NCOR2: variants seen among roughly 807,000 people sequenced by gnomAD.
The protein encoded by NCOR2 is nuclear receptor corepressor 2.
In NCOR2, 81 loss-of-function variants were observed where a neutral mutation model predicts 262.9. The observed-to-expected ratio is 0.31, with a 90% CI of 0.26 to 0.37. The LOEUF (loss-of-function observed/expected upper bound fraction) is 0.37, where lower values mean the gene tolerates loss of function less well. NCOR2 is among the 10% of genes least tolerant of loss of function. The pLI is 1.00. For missense variants in NCOR2, 3,385 were observed against 3,621.4 expected (o/e 0.93, Z 1.68); for synonymous variants, 1,659 against 1,559.3 (o/e 1.06, Z -1.51).
exon 11 of NCOR2, chr12:124,426,720 G>A: frequency 1.2e-6 from 2 of 1,611,122 alleles, no homozygotes; most frequent in South Asian, 1.1e-5. Flanking sequence ...CGTTCATGTT[G>A]ATGAACTTGA....
intron 18 of NCOR2, among the ~76,000 whole-genome samples, chr12:124,374,799 C>A (rs1460882109): frequency 6.6e-6 from 1 of 152,232 alleles, no homozygotes; most frequent in Non-Finnish European, 1.5e-5. Context: ...CCTGGTGGAA[C>A]CAGGCTCCCA....
chr12:124,390,808 A>C (rs1232779974), intron 16 of NCOR2, among the ~76,000 whole-genome samples: 1 of 152,242 alleles, frequency 6.6e-6, no homozygotes, highest in African/African-American at 2.4e-5. Context: ...CCCCGACCCC[A>C]CTTCTAATTT....
chr12:124,507,906 G>A lies in NCOR2; in HGVS notation c.-117-12538C>T, dbSNP rs533700429. ...CCACAGCTGTGCAGCTGCCGGAAAC[G>A]CCTCCTCCCGCTTCTCCTCCATGCA... On this transcript the variant is annotated intron_variant, in intron 1 of 46. Transcript: ENST00000404621. Among the ~76,000 whole-genome samples the A allele has an allele frequency of 5.6e-4, 85 of 152,300 alleles. 1 individual carries two copies. The highest frequency in any genetic ancestry group is 3.9e-3 in the Admixed American group (59 of 15,302).
intron 28 of NCOR2, among the ~76,000 whole-genome samples, chr12:124,349,632 A>G (rs1447390648): frequency 6.6e-6 from 1 of 152,002 alleles, no homozygotes; most frequent in Non-Finnish European, 1.5e-5. Flanking sequence ...TGCACTGCCT[A>G]CCTGGCCCAG....
chr12:124,495,597 A>G (rs2048337113), upstream of NCOR2, among the ~76,000 whole-genome samples: 2 of 152,088 alleles, frequency 1.3e-5, no homozygotes, highest in South Asian at 4.1e-4. The surrounding 1 kb of genome is among the most constrained non-coding windows in gnomAD (Gnocchi z 4.4). Context: ...AAGGGACCAG[A>G]GGCCTCCTCC....
intron 1 of NCOR2, among the ~76,000 whole-genome samples, chr12:124,554,408 C>T (rs899595221): frequency 6.6e-5 from 10 of 152,206 alleles, no homozygotes; most frequent in African/African-American, 2.4e-4. Context: ...GGCATCCAGA[C>T]AGGGAATATC....
chr12:124,354,103 G>C, exon 27 of NCOR2: 1 of 1,609,438 alleles, frequency 6.2e-7, no homozygotes, highest in South Asian at 1.1e-5. Context: ...GTGGGTGATG[G>C]AGCCGCGGTA....
intron 13 of NCOR2, among the ~76,000 whole-genome samples, chr12:124,412,166 C>A (rs1462907682): frequency 2.6e-5 from 4 of 152,274 alleles, no homozygotes; most frequent in African/African-American, 9.6e-5. Flanking sequence ...AGTCCAGAGA[C>A]GTCCCATGGC....
At chr12:124,408,142 CA>C (rs2042376192) in intron 13 of NCOR2, among the ~76,000 whole-genome samples, 1 of 152,262 alleles carries the variant, frequency 6.6e-6, no homozygotes, top group African/African-American at 2.4e-5. Context: ...ATCATGAGGT[CA>C]GGAAATCGAG....
intron 1 of NCOR2, among the ~76,000 whole-genome samples, chr12:124,554,180 A>G (rs2051809420): frequency 6.6e-6 from 1 of 152,248 alleles, no homozygotes; most frequent in African/African-American, 2.4e-5. Flanking sequence ...TCCTTGCTTC[A>G]AAGCCCTTTT....
exon 15 of NCOR2, chr12:124,400,617 G>A (rs2041941653): frequency 6.2e-7 from 1 of 1,614,068 alleles, no homozygotes; most frequent in Admixed American, 1.7e-5. Flanking sequence ...GCGGCCTTTG[G>A]AGGCCACAGC....
At chr12:124,485,463 C>G (rs1357796309) in intron 2 of NCOR2, among the ~76,000 whole-genome samples, 1 of 152,262 alleles carries the variant, frequency 6.6e-6, no homozygotes, top group Non-Finnish European at 1.5e-5. Context: ...GAAAAGCATC[C>G]TCCCCTTGAG....
At position 124,326,177 on chromosome 12, in the gene NCOR2, C is replaced by T; in HGVS notation, c.7363+14G>A. 6.6e-7 allele frequency: 1 copy of T among 1,510,022 alleles called. No individual in the cohort carries two copies. The allele number at this position is 1,510,022 out of a possible 1,614,324, so 93.5% of individuals were successfully genotyped here. On this transcript the variant is annotated intron_variant, in intron 46 of 46. Coordinates refer to ENST00000405201, the Ensembl canonical transcript of NCOR2. Reference sequence around the variant, plus strand: ...GGCTCAGCGAGCCCAGCCCTGTCCCCACCTGGTGCCCACCTGCGGACGAGG... The same window carrying T: ...GGCTCAGCGAGCCCAGCCCTGTCCCTACCTGGTGCCCACCTGCGGACGAGG...
chr12:124,426,764 G>A, exon 11 of NCOR2: 1 of 1,591,968 alleles, frequency 6.3e-7, no homozygotes. Context: ...AGCATGGGCG[G>A]GATCACGGCC....
At chr12:124,532,629 A>T (rs2050868812) in intron 1 of NCOR2, among the ~76,000 whole-genome samples, 1 of 152,202 alleles carries the variant, frequency 6.6e-6, no homozygotes, top group Non-Finnish European at 1.5e-5. Flanking sequence ...AAGCCCTTTT[A>T]TCGTCCTCGG....
chr12:124,395,003 T>C (rs1011189121), intron 16 of NCOR2, among the ~76,000 whole-genome samples: 1 of 152,090 alleles, frequency 6.6e-6, no homozygotes, highest in African/African-American at 2.4e-5. Context: ...TCCAGGGCCA[T>C]GCTACTAAAG....
intron 1 of NCOR2, among the ~76,000 whole-genome samples, chr12:124,509,183 G>A (rs2049235528): frequency 6.7e-6 from 1 of 149,948 alleles, no homozygotes; most frequent in Middle Eastern, 3.4e-3. Context: ...CTCAGTCCTG[G>A]GGTCTCAGGG....
At chr12:124,474,862 G>A (rs908866175) in intron 3 of NCOR2, among the ~76,000 whole-genome samples, 4 of 152,106 alleles carry the variant, frequency 2.6e-5, no homozygotes, top group African/African-American at 9.7e-5. Context: ...AAGGCCCAGA[G>A]CAGCGCCAGG....
intron 22 of NCOR2, among the ~76,000 whole-genome samples, chr12:124,361,296 G>C (rs2038575741): frequency 6.6e-6 from 1 of 152,144 alleles, no homozygotes; most frequent in Admixed American, 6.5e-5. Flanking sequence ...CAAGCGCCGG[G>C]GCTAGCCCAG....
Sources: allele counts gnomAD v4.1 joint callset (sites outside exome capture counted in the v4.1 genomes callset), GRCh38; gene constraint gnomAD v4.1.1; non-coding constraint Gnocchi (gnomAD v3.1); transcripts MANE v1.5; gene names NCBI Gene and HGNC (gene_info 2026-07-23, HGNC 2026-07-21).